Variants in UTRN observed in about 807,000 individuals in gnomAD.
UTRN encodes the protein utrophin, also known as dystrophin-related protein 1.
In UTRN, 283 loss-of-function variants were observed where a neutral mutation model predicts 463.9. The observed-to-expected ratio is 0.61, with a 90% confidence interval of 0.55 to 0.67. The LOEUF is 0.67. UTRN is among the 30% of genes least tolerant of loss of function. The pLI is 0.00. For synonymous variants in UTRN, 1,442 were observed against 1,431.5 expected (o/e 1.01, Z -0.17); for missense variants, 3,922 against 4,084.3 (o/e 0.96, Z 1.08).
rs772270969 is a variant in UTRN, at chr6:144,428,873, A to G, written c.674A>G (p.Glu225Gly). ...FSKAQTYLGI[E>G]KLLDPEDVAV... The stretch of plus-strand genomic sequence containing the variant: ...AAGGCTCAAACTTATTTGGGAATTG[A>G]AAAGCTGTTAGATCCTGAAGGTATT... Residue 225 changes from glutamate (E) to glycine (G), a missense_variant, in exon 8 of 75, where the codon GAA (glutamate) becomes GGA (glycine). This residue lies in a region of UTRN where 264 missense variants were observed against 327.9 expected (regional missense o/e 0.81). Coordinates refer to ENST00000367545, the MANE Select transcript of UTRN (RefSeq NM_007124.3). The G allele has an allele frequency of 1.2e-6, 2 of 1,607,912 alleles. No individual in the cohort carries two copies. The highest frequency in any genetic ancestry group is 1.7e-4 in the Middle Eastern group (1 of 6,048).
At chr6:144,414,200 C>T (rs986972589) in intron 3 of UTRN, among the ~76,000 whole-genome samples, 2 of 151,802 alleles carry the variant, frequency 1.3e-5, no homozygotes, top group Admixed American at 6.6e-5. Flanking sequence ...AAGAAGGCAT[C>T]GGTATCATAG....
chr6:144,670,368 T>G (rs1341712319), intron 51 of UTRN, among the ~76,000 whole-genome samples: 1 of 152,204 alleles, frequency 6.6e-6, no homozygotes, highest in Non-Finnish European at 1.5e-5. Flanking sequence ...TGCATTTCCC[T>G]GATAATTAGT....
intron 51 of UTRN, among the ~76,000 whole-genome samples, chr6:144,666,352 T>C (rs1780394654): frequency 6.6e-6 from 1 of 152,220 alleles, no homozygotes; most frequent in Admixed American, 6.5e-5. Context: ...ATTAAACTTT[T>C]CAAGTGAAGA....
intron 12 of UTRN, 50 bp from the exon 13 acceptor site, chr6:144,440,302 A>C (rs1407022229): frequency 3.7e-6 from 6 of 1,602,346 alleles, no homozygotes; most frequent in Non-Finnish European, 5.1e-6. Flanking sequence ...CGTTTTAAAT[A>C]GGTAAATGTG....
At chr6:144,558,191 C>T (rs774516243) in intron 50 of UTRN, among the ~76,000 whole-genome samples, 1 of 152,206 alleles carries the variant, frequency 6.6e-6, no homozygotes, top group African/African-American at 2.4e-5. Flanking sequence ...GACATGGATA[C>T]GTTTTATACA....
chr6:144,773,293 G>A (rs983824253), intron 59 of UTRN, among the ~76,000 whole-genome samples: 1 of 152,110 alleles, frequency 6.6e-6, no homozygotes, highest in African/African-American at 2.4e-5. Flanking sequence ...TGGACAGTGT[G>A]GTTGGAAGAA....
chr6:144,628,161 A>G (rs1776143881), intron 51 of UTRN, among the ~76,000 whole-genome samples: 1 of 152,018 alleles, frequency 6.6e-6, no homozygotes, highest in Admixed American at 6.6e-5. Flanking sequence ...TCTCTTTATC[A>G]TCTATGGGTA....
At chr6:144,730,073 C>T (rs1251238198) in intron 53 of UTRN, among the ~76,000 whole-genome samples, 1 of 152,208 alleles carries the variant, frequency 6.6e-6, no homozygotes, top group Non-Finnish European at 1.5e-5. Context: ...CCTAAAAGTA[C>T]ATTTTGTGTA....
At chr6:144,594,893 A>G (rs1230645376) in intron 51 of UTRN, among the ~76,000 whole-genome samples, 1 of 152,202 alleles carries the variant, frequency 6.6e-6, no homozygotes, top group Non-Finnish European at 1.5e-5. Flanking sequence ...TCATGGAAAT[A>G]TAATTCTAAT....
intron 31 of UTRN, 126 bp downstream of exon 31, chr6:144,490,325 A>G (rs1792935335): frequency 7.4e-7 from 1 of 1,358,618 alleles, no homozygotes; most frequent in Non-Finnish European, 9.9e-7. Flanking sequence ...GATGGGAGTG[A>G]TGATGTGTTG....
chr6:144,536,229 C>A (rs532955544), intron 43 of UTRN, among the ~76,000 whole-genome samples: 44 of 152,242 alleles, frequency 2.9e-4, no homozygotes, highest in African/African-American at 1.0e-3. Flanking sequence ...TTATTGAAAT[C>A]ACTTTATAAT....
chr6:144,728,920 C>G (rs1045142360), intron 53 of UTRN, among the ~76,000 whole-genome samples: 1 of 152,020 alleles, frequency 6.6e-6, no homozygotes, highest in African/African-American at 2.4e-5. Flanking sequence ...TCTTCTCATC[C>G]CTCCCCACCT....
chr6:144,708,126 C>G, intron 53 of UTRN: 1 of 328,630 alleles, frequency 3.0e-6, no homozygotes. Context: ...GTAAAGATAA[C>G]TTATTTGGTT....
intron 54 of UTRN, among the ~76,000 whole-genome samples, chr6:144,736,564 A>G (rs1286229003): frequency 2.0e-5 from 3 of 152,238 alleles, no homozygotes; most frequent in South Asian, 2.1e-4. Context: ...AGTTTCCTCC[A>G]TACCAATCTT....
intron 51 of UTRN, among the ~76,000 whole-genome samples, chr6:144,677,345 T>G (rs986139946): frequency 1.2e-4 from 19 of 152,156 alleles, no homozygotes; most frequent in Non-Finnish European, 1.5e-5. Context: ...CAGCTCCCAC[T>G]TATGAGTGAG....
At chr6:144,308,664 C>G (rs1189645463) in intron 2 of UTRN, among the ~76,000 whole-genome samples, 3 of 152,134 alleles carry the variant, frequency 2.0e-5, no homozygotes, top group Non-Finnish European at 4.4e-5. Flanking sequence ...AATACCACAT[C>G]TATCCTCAAC....
chr6:144,504,036 GCTCT>G (rs1440237159), intron 34 of UTRN, among the ~76,000 whole-genome samples: 3 of 151,584 alleles, frequency 2.0e-5, no homozygotes, highest in Non-Finnish European at 3.0e-5. Flanking sequence ...TCATGATTTG[GCTCT>G]CTATTATTGG....
intron 53 of UTRN, among the ~76,000 whole-genome samples, chr6:144,721,036 A>G (rs995502268): frequency 2.0e-5 from 3 of 152,142 alleles, no homozygotes; most frequent in Non-Finnish European, 4.4e-5. Flanking sequence ...TCTATTATAT[A>G]CTTTAATGCC....
At chr6:144,513,070 AATCTGTTCTGTCAAGCACATTTC>A (rs1470631677) in intron 35 of UTRN, among the ~76,000 whole-genome samples, 2 of 152,116 alleles carry the variant, frequency 1.3e-5, no homozygotes, top group Non-Finnish European at 2.9e-5. Flanking sequence ...TCTGTTTTCA[AATCTGTTCTGTCAAGCACATTTC>A]ATGTCCTGCT....
Sources: allele counts gnomAD v4.1 joint callset (sites outside exome capture counted in the v4.1 genomes callset), GRCh38; gene constraint gnomAD v4.1.1; regional missense constraint gnomAD v4.1.1; transcripts MANE v1.5; gene names NCBI Gene and HGNC (gene_info 2026-07-23, HGNC 2026-07-21).